Variants in MYO6 observed in about 807,000 individuals in gnomAD.
The protein encoded by MYO6 is myosin VI, also known as unconventional myosin-VI.
Under a neutral mutation model 178.7 loss-of-function variants are expected in MYO6, and 74 were observed. That is an observed-to-expected ratio of 0.41 (90% CI 0.34 to 0.50). The LOEUF is 0.50. Among genes scored for constraint, MYO6 ranks in the 20% least tolerant of loss-of-function variants. MYO6 has a pLI of 0.09. For missense variants in MYO6, 1,330 were observed against 1,547.4 expected (o/e 0.86, Z 2.36); for synonymous variants, 477 against 504.6 (o/e 0.95, Z 0.73).
At chr6:75,776,258 AT>A (rs1322479283) in intron 1 of MYO6, among the ~76,000 whole-genome samples, 1 of 152,198 alleles carries the variant, frequency 6.6e-6, no homozygotes, top group East Asian at 1.9e-4. Context: ...CACTTTTTAA[AT>A]ATTGTTTTCT....
rs1033349337 is a variant in MYO6, at chr6:75,894,672, T to C, written c.3108-559T>C. 6.0e-6 allele frequency: 3 copies of C among 498,434 alleles called. No homozygotes were observed. In the Admixed American group the frequency reaches 1.2e-4, roughly 20 times the overall value. 30.9% of individuals were successfully genotyped at this position (498,434 alleles called of 1,614,324 possible). On this transcript the variant is annotated intron_variant, in intron 28 of 34. Transcript: ENST00000369977. ...TTACCTTTGTTAGCACTGAGTTTTT[T>C]CTCTAACAAATTTATGAGTAAGAAC...
chr6:75,800,718 A>G (rs1000469029), intron 1 of MYO6, among the ~76,000 whole-genome samples: 1 of 151,924 alleles, frequency 6.6e-6, no homozygotes, highest in African/African-American at 2.4e-5. Context: ...GAGATAGAAA[A>G]TGGGGCATTA....
chr6:75,821,190 G>T (rs1771836687), intron 2 of MYO6, among the ~76,000 whole-genome samples: 1 of 151,940 alleles, frequency 6.6e-6, no homozygotes, highest in African/African-American at 2.4e-5. Context: ...TTTGTCATTG[G>T]CCTCCCCTCA....
At chr6:75,824,785 A>G (rs1772274005) in intron 3 of MYO6, among the ~76,000 whole-genome samples, 1 of 146,820 alleles carries the variant, frequency 6.8e-6, no homozygotes, top group African/African-American at 2.5e-5. Context: ...TTTTTGAGAC[A>G]GTCTCGCTCT....
chr6:75,810,689 CA>C (rs1034135293), intron 1 of MYO6, among the ~76,000 whole-genome samples: 13 of 152,154 alleles, frequency 8.5e-5, no homozygotes, highest in African/African-American at 3.1e-4. Flanking sequence ...GATCAAGTAT[CA>C]GGGGTCGGGG....
Position 75,776,195 on chromosome 6 carries a change from C to T in MYO6, c.-48+26772C>T, listed in dbSNP as rs143088776. Among the ~76,000 whole-genome samples, 234 of 152,242 alleles carry T rather than the reference C, an allele frequency of 1.5e-3. 3 individuals carry two copies. The highest frequency in any genetic ancestry group is 5.0e-3 in the African/African-American group (209 of 41,538). ...CTTTTCCCTGTTAGAATAGATGCTC[C>T]ATAAATGTCTATTCAATAAATAATT... On this transcript the variant is annotated intron_variant, in intron 1 of 34. Coordinates refer to ENST00000369977, the MANE Select transcript of MYO6 (RefSeq NM_004999.4).
At chr6:75,760,092 A>G (rs1777818598) in intron 1 of MYO6, among the ~76,000 whole-genome samples, 1 of 152,206 alleles carries the variant, frequency 6.6e-6, no homozygotes, top group Non-Finnish European at 1.5e-5. Flanking sequence ...GCACTAGAAC[A>G]TAGTGTTGAT....
intron 29 of MYO6, among the ~76,000 whole-genome samples, 198 bp downstream of exon 29, chr6:75,895,458 C>T (rs1424645467): frequency 6.6e-6 from 1 of 150,598 alleles, no homozygotes; most frequent in African/African-American, 2.4e-5. Context: ...TGGTTTCCTT[C>T]TTTGTATTGT....
intron 12 of MYO6, 87 bp from the exon 13 acceptor site, chr6:75,857,010 C>A: frequency 8.0e-7 from 1 of 1,255,250 alleles, no homozygotes; most frequent in Non-Finnish European, 1.1e-6. Context: ...TTTTGTTCTT[C>A]TCTGTGTGTA....
intron 1 of MYO6, among the ~76,000 whole-genome samples, chr6:75,816,639 T>A (rs1771276348): frequency 6.6e-6 from 1 of 152,230 alleles, no homozygotes; most frequent in South Asian, 2.1e-4. Context: ...AATGGCATAC[T>A]GAGTAGTTCC....
intron 10 of MYO6, 144 bp downstream of exon 10, chr6:75,845,121 T>C (rs552389223): frequency 1.5e-6 from 1 of 686,916 alleles, no homozygotes; most frequent in Middle Eastern, 4.0e-4. Context: ...CATCTAAGTC[T>C]CTGTCACAGT....
intron 1 of MYO6, among the ~76,000 whole-genome samples, chr6:75,754,224 T>G (rs1409092003): frequency 6.6e-6 from 1 of 152,122 alleles, no homozygotes; most frequent in Non-Finnish European, 1.5e-5. Context: ...TGTTATTTCA[T>G]TTGAAAATAA....
intron 1 of MYO6, among the ~76,000 whole-genome samples, chr6:75,793,559 G>C (rs181225026): frequency 1.3e-5 from 2 of 151,620 alleles, no homozygotes; most frequent in Admixed American, 1.3e-4. Context: ...AGCCAAGATC[G>C]TACCACTACC....
At chr6:75,761,246 A>G (rs960816932) in intron 1 of MYO6, among the ~76,000 whole-genome samples, 4 of 152,124 alleles carry the variant, frequency 2.6e-5, no homozygotes, top group Admixed American at 2.0e-4. Flanking sequence ...AAAGTGAAAA[A>G]CTAGTCATCA....
In MYO6 at chr6:75,895,230, G is replaced by A; in HGVS notation, c.3108-1G>A. 1 of 1,603,144 alleles carries A rather than the reference G, an allele frequency of 6.2e-7. No homozygotes were observed. Among genetic ancestry groups the A allele is most frequent in the Non-Finnish European group, 8.5e-7 (1 of 1,171,166 alleles). Reference sequence around the variant, plus strand: ...TTAACTAAAATATATTCTTTTCACAGAAATGATGGAACAAGACCCAAAATG... The same window carrying A: ...TTAACTAAAATATATTCTTTTCACAAAAATGATGGAACAAGACCCAAAATG... On this transcript the variant is annotated splice_acceptor_variant, in intron 28 of 34. Transcript: ENST00000369977. LOFTEE classifies it high-confidence loss of function.
chr6:75,800,238 C>T (rs886965997), intron 1 of MYO6, among the ~76,000 whole-genome samples: 14 of 152,148 alleles, frequency 9.2e-5, no homozygotes, highest in Middle Eastern at 6.8e-3. Context: ...AATTGGTATG[C>T]GGCTGAACAA....
chr6:75,805,810 A>G (rs1276185545), intron 1 of MYO6, among the ~76,000 whole-genome samples: 2 of 152,168 alleles, frequency 1.3e-5, no homozygotes, highest in Admixed American at 1.3e-4. Context: ...TTCTTTTAGT[A>G]TTTGTGCAAA....
At chr6:75,815,399 G>A (rs564109000) in intron 1 of MYO6, among the ~76,000 whole-genome samples, 1 of 152,150 alleles carries the variant, frequency 6.6e-6, no homozygotes, top group Non-Finnish European at 1.5e-5. Flanking sequence ...TTCATGAAGA[G>A]GTGTCCAGTA....
intron 3 of MYO6, among the ~76,000 whole-genome samples, chr6:75,826,958 A>T (rs138501851): frequency 5.8e-4 from 88 of 152,310 alleles, no homozygotes; most frequent in Middle Eastern, 3.4e-3. Flanking sequence ...AACTGGCTGC[A>T]TTAAATGATT....
Sources: gnomAD v4.1 joint callset for allele counts (sites outside exome capture counted in the v4.1 genomes callset) on GRCh38, gnomAD v4.1.1 for gene constraint, MANE v1.5 for transcripts, NCBI Gene and HGNC (gene_info 2026-07-23, HGNC 2026-07-21) for gene names.